The following GRM1 variants were observed in gnomAD, a reference collection of about 807,000 sequenced individuals.
The protein encoded by GRM1 is glutamate metabotropic receptor 1.
In GRM1, 33 loss-of-function variants were observed where a neutral mutation model predicts 90.9. That is an observed-to-expected ratio of 0.36 (90% CI 0.28 to 0.49). The LOEUF (loss-of-function observed/expected upper bound fraction) is 0.49, where lower values mean the gene tolerates loss of function less well. Among genes scored for constraint, GRM1 ranks in the 20% least tolerant of loss-of-function variants. The pLI is 0.99. For missense variants in GRM1, 1,190 were observed against 1,534.3 expected (o/e 0.78, Z 3.75); for synonymous variants, 700 against 613.2 (o/e 1.14, Z -2.09).
At chr6:146,117,141 GATTTATTTATTT>G (rs201253228) in intron 1 of GRM1, among the ~76,000 whole-genome samples, 2 of 148,918 alleles carry the variant, frequency 1.3e-5, no homozygotes, top group Non-Finnish European at 3.0e-5. Context: ...ATTTTCCTTG[GATTTATTTATTT>G]ATTTATTTTT....
chr6:146,356,031 T>G (rs974347421), intron 4 of GRM1, among the ~76,000 whole-genome samples: 7 of 152,166 alleles, frequency 4.6e-5, no homozygotes, highest in African/African-American at 1.7e-4. Context: ...TTTGGGAAAC[T>G]GCAGCATTAA....
chr6:146,054,401 T>C (rs1775407587), intron 1 of GRM1, among the ~76,000 whole-genome samples: 1 of 152,230 alleles, frequency 6.6e-6, no homozygotes, highest in South Asian at 2.1e-4. Flanking sequence ...ATATAAAATA[T>C]AATAATTATA....
At position 146,399,864 on chromosome 6, in the gene GRM1, C is replaced by T. The variant is rs569235982; in HGVS notation, c.2660+165C>T. Among the ~76,000 whole-genome samples the T allele has an allele frequency of 6.6e-6, 1 of 152,164 alleles. No individual in the cohort carries two copies. The highest frequency in any genetic ancestry group is 2.4e-5 in the African/African-American group (1 of 41,506). On this transcript the variant is annotated intron_variant, in intron 7 of 7. Coordinates refer to ENST00000282753, the MANE Select transcript of GRM1 (RefSeq NM_001278064.2). The surrounding 1 kb of genome is among the most constrained non-coding windows in gnomAD (Gnocchi z 5.4). ...CTCTTCCTTTCTTAATCTTTTCTCCCTTTCTTAAATCTCACATTCTGTTGC... is the reference window on the plus strand; with the variant it reads ...CTCTTCCTTTCTTAATCTTTTCTCCTTTTCTTAAATCTCACATTCTGTTGC...
At chr6:146,288,342 T>G (rs1279187894) in intron 2 of GRM1, among the ~76,000 whole-genome samples, 2 of 152,132 alleles carry the variant, frequency 1.3e-5, no homozygotes, top group African/African-American at 4.8e-5. Flanking sequence ...ATCCTTATTT[T>G]ACAGTGGCAG....
chr6:146,348,223 T>C (rs548754156), intron 3 of GRM1, among the ~76,000 whole-genome samples: 1 of 152,288 alleles, frequency 6.6e-6, no homozygotes, highest in Admixed American at 6.5e-5. Flanking sequence ...CAGGTGACAA[T>C]GTTATTAGTT....
intron 1 of GRM1, among the ~76,000 whole-genome samples, chr6:146,063,122 A>C (rs1775730154): frequency 6.6e-6 from 1 of 152,120 alleles, no homozygotes; most frequent in African/African-American, 2.4e-5. Flanking sequence ...TCTAAGAGCA[A>C]CCTCCTCTGG....
intron 1 of GRM1, among the ~76,000 whole-genome samples, chr6:146,053,705 T>G (rs1040801523): frequency 6.6e-5 from 10 of 152,026 alleles, no homozygotes; most frequent in African/African-American, 2.4e-4. Flanking sequence ...ATGCATGCAA[T>G]TAGAAACATC....
intron 5 of GRM1, among the ~76,000 whole-genome samples, chr6:146,385,805 G>T (rs886109017): frequency 3.3e-5 from 5 of 152,030 alleles, no homozygotes; most frequent in African/African-American, 1.2e-4. Flanking sequence ...GACGGGAGGG[G>T]AAAATGGAAG....
chr6:146,200,521 T>C (rs1779265571), intron 2 of GRM1, among the ~76,000 whole-genome samples: 1 of 152,212 alleles, frequency 6.6e-6, no homozygotes, highest in Admixed American at 6.5e-5. Context: ...GAACTCTGCA[T>C]TGGCCATATA....
chr6:146,030,832 A>T (rs1000738080), intron 1 of GRM1, among the ~76,000 whole-genome samples: 18 of 152,304 alleles, frequency 1.2e-4, no homozygotes, highest in African/African-American at 4.3e-4. Flanking sequence ...TAATTTAAAT[A>T]ATGTATTTTC....
intron 7 of GRM1, among the ~76,000 whole-genome samples, chr6:146,429,830 G>C (rs928114177): frequency 1.3e-5 from 2 of 152,120 alleles, no homozygotes; most frequent in African/African-American, 4.8e-5. Context: ...AGGTTCCCAG[G>C]AGTGAGCCTC....
chr6:146,299,148 A>T (rs1783284703), intron 2 of GRM1, among the ~76,000 whole-genome samples: 1 of 152,136 alleles, frequency 6.6e-6, no homozygotes, highest in South Asian at 2.1e-4. Flanking sequence ...TTGCTTCTCA[A>T]AGCACTTGAT....
intron 5 of GRM1, among the ~76,000 whole-genome samples, chr6:146,377,384 C>G (rs946384716): frequency 1.3e-5 from 2 of 151,984 alleles, no homozygotes; most frequent in African/African-American, 4.8e-5. Context: ...GAGGTGGTCT[C>G]AGATGGAGAT....
chr6:146,361,067 C>A (rs964072167), intron 5 of GRM1, among the ~76,000 whole-genome samples: 1 of 152,174 alleles, frequency 6.6e-6, no homozygotes, highest in Non-Finnish European at 1.5e-5. Context: ...AAGTTACAGG[C>A]AGCTACTGAG....
At chr6:146,090,837 G>C (rs1250012970) in intron 1 of GRM1, among the ~76,000 whole-genome samples, 1 of 151,964 alleles carries the variant, frequency 6.6e-6, no homozygotes. Context: ...TCTGGCCCAT[G>C]GTTTATTACT....
At chr6:146,104,238 A>G (rs1327672502) in intron 1 of GRM1, among the ~76,000 whole-genome samples, 2 of 152,152 alleles carry the variant, frequency 1.3e-5, no homozygotes, top group African/African-American at 4.8e-5. Context: ...CAGGAGATTG[A>G]GACCATCCTG....
chr6:146,272,153 C>G (rs912822019), intron 2 of GRM1, among the ~76,000 whole-genome samples: 2 of 152,118 alleles, frequency 1.3e-5, no homozygotes, highest in Non-Finnish European at 2.9e-5. Flanking sequence ...TGGCTATTTT[C>G]TGTAATTAGA....
rs547865896 is a variant in GRM1, at chr6:146,214,677, G to A, written c.950+55080G>A. Among the ~76,000 whole-genome samples the A allele has an allele frequency of 1.2e-3, 177 of 152,226 alleles. 2 individuals are homozygous for A. The highest frequency in any genetic ancestry group is 3.4e-4 in the Non-Finnish European group (23 of 68,004). ...GTAGTACAATGTGAAGAATAATAGA[G>A]TTATGTCCAAAATGCTACAAGAGAA... On this transcript the variant is annotated intron_variant, in intron 2 of 7. Coordinates refer to ENST00000282753, the MANE Select transcript of GRM1 (RefSeq NM_001278064.2).
intron 1 of GRM1, among the ~76,000 whole-genome samples, chr6:146,139,738 G>T (rs957341201): frequency 6.6e-6 from 1 of 151,982 alleles, no homozygotes; most frequent in African/African-American, 2.4e-5. Context: ...AGATCATTGG[G>T]TCTTATTTAT....
Sources: allele counts gnomAD v4.1 joint callset (sites outside exome capture counted in the v4.1 genomes callset), GRCh38; gene constraint gnomAD v4.1.1; non-coding constraint Gnocchi (gnomAD v3.1); transcripts MANE v1.5; gene names NCBI Gene and HGNC (gene_info 2026-07-23, HGNC 2026-07-21).